SPECC1: variants seen among roughly 807,000 people sequenced by gnomAD.
The protein encoded by SPECC1 is sperm antigen with calponin homology and coiled-coil domains 1.
SPECC1 carries 62 observed loss-of-function variants against 104.1 expected under a neutral mutation model. That is an observed-to-expected ratio of 0.60 (90% CI 0.49 to 0.74). SPECC1 has a LOEUF of 0.74. Among genes scored for constraint, SPECC1 ranks in the 30% least tolerant of loss-of-function variants. The pLI is 0.00. For synonymous variants in SPECC1, 513 were observed against 501.6 expected (o/e 1.02, Z -0.30); for missense variants, 1,306 against 1,310.5 (o/e 1.00, Z 0.05).
intron 7 of SPECC1, 62 bp from the exon 8 acceptor site, chr17:20,245,864 G>C (rs1410583873): frequency 8.8e-6 from 14 of 1,584,690 alleles, no homozygotes; most frequent in Non-Finnish European, 1.2e-5. Flanking sequence ...TTTCCTCTGT[G>C]TCTTTTTCTC....
chr17:20,254,968 C>T (rs1304735224), intron 10 of SPECC1, among the ~76,000 whole-genome samples: 2 of 152,112 alleles, frequency 1.3e-5, no homozygotes, highest in East Asian at 1.9e-4. Context: ...GCCCATTCCT[C>T]GAGTTTTACA....
At chr17:20,155,073 A>ACC (rs2032343406) in intron 3 of SPECC1, among the ~76,000 whole-genome samples, 2 of 152,138 alleles carry the variant, frequency 1.3e-5, no homozygotes, top group African/African-American at 4.8e-5. Flanking sequence ...TGGTATTTGA[A>ACC]AGCCACAAGT....
chr17:20,216,076 T>G (rs2037471115), intron 4 of SPECC1, among the ~76,000 whole-genome samples: 1 of 152,160 alleles, frequency 6.6e-6, no homozygotes, highest in Admixed American at 6.5e-5. Flanking sequence ...GATTAACATA[T>G]GAAGAGAGGG....
intron 3 of SPECC1, among the ~76,000 whole-genome samples, chr17:20,176,738 T>C (rs1249327061): frequency 3.3e-5 from 5 of 152,054 alleles, no homozygotes; most frequent in Non-Finnish European, 5.9e-5. Flanking sequence ...TCATCACATC[T>C]CCTTTTTCCG....
At chr17:20,028,749 A>C (rs955731705) in intron 1 of SPECC1, among the ~76,000 whole-genome samples, 1 of 149,946 alleles carries the variant, frequency 6.7e-6, no homozygotes, top group Non-Finnish European at 1.5e-5. Context: ...TCAACAGTGA[A>C]GTCATCTGGG....
rs534460908 is a variant in SPECC1, at chr17:20,119,872, A to G, written c.283+9310A>G. Among the ~76,000 whole-genome samples, 85 of 152,376 alleles carry G rather than the reference A, an allele frequency of 5.6e-4. 1 individual carries two copies. The highest frequency in any genetic ancestry group is 8.8e-5 in the Non-Finnish European group (6 of 68,040). On this transcript the variant is annotated intron_variant, in intron 3 of 14. Coordinates refer to ENST00000395527, the MANE Select transcript of SPECC1 (RefSeq NM_001243439.2). ...AACATCCCAAATCCAAAAATTCAAA[A>G]TCCCAAATGCTTCAAAATCTGAAAT... is the stretch of plus-strand genomic sequence containing the variant.
intron 3 of SPECC1, among the ~76,000 whole-genome samples, chr17:20,193,280 C>T (rs1015381633): frequency 1.3e-5 from 2 of 152,044 alleles, no homozygotes; most frequent in South Asian, 4.1e-4. Flanking sequence ...TCTTTATGAC[C>T]TGTATCTTGT....
chr17:20,265,674 A>G (rs1347346639), intron 12 of SPECC1, among the ~76,000 whole-genome samples: 2 of 152,218 alleles, frequency 1.3e-5, no homozygotes, highest in Admixed American at 6.5e-5. Flanking sequence ...GCTAAGGCCA[A>G]TGTTGAAAAA....
intron 3 of SPECC1, among the ~76,000 whole-genome samples, chr17:20,201,039 T>G (rs1055062232): frequency 6.6e-6 from 1 of 152,110 alleles, no homozygotes; most frequent in African/African-American, 2.4e-5. Context: ...GTAACACTTA[T>G]GGGGAGAACA....
intron 3 of SPECC1, among the ~76,000 whole-genome samples, chr17:20,176,101 T>C (rs907614422): frequency 1.3e-5 from 2 of 152,256 alleles, no homozygotes; most frequent in African/African-American, 4.8e-5. Flanking sequence ...TGGCTTCCTT[T>C]ATTTACTAGC....
chr17:20,035,673 A>C (rs769668177), intron 1 of SPECC1, among the ~76,000 whole-genome samples: 2 of 151,964 alleles, frequency 1.3e-5, no homozygotes, highest in African/African-American at 4.8e-5. Context: ...CACAGCAGCT[A>C]TTCACAGGCA....
At chr17:20,014,764 A>AT (rs1368738830) in intron 1 of SPECC1, among the ~76,000 whole-genome samples, 333 of 148,950 alleles carry the variant, frequency 2.2e-3, no homozygotes, top group African/African-American at 7.6e-3. Context: ...CTAGGAGTGG[A>AT]TTTTTTTTTT....
chr17:20,149,518 G>A (rs547890743), intron 3 of SPECC1, among the ~76,000 whole-genome samples: 2 of 152,334 alleles, frequency 1.3e-5, no homozygotes, highest in South Asian at 2.1e-4. Context: ...CATTTCACAC[G>A]TGTTGTCACA....
chr17:20,132,822 C>T (rs962820329), intron 3 of SPECC1, among the ~76,000 whole-genome samples: 8 of 152,042 alleles, frequency 5.3e-5, no homozygotes, highest in African/African-American at 1.9e-4. Context: ...TCACTGCAAG[C>T]TCCACCTCCT....
In SPECC1 at chr17:20,070,612, T is replaced by C. The variant is rs142619233; in HGVS notation, c.-21-26019T>C. Among the ~76,000 whole-genome samples, 67 of 152,330 alleles carry C rather than the reference T, an allele frequency of 4.4e-4. 1 individual carries two copies. The highest frequency in any genetic ancestry group is 1.6e-3 in the African/African-American group (67 of 41,580). ...AAGGCTTAATTATGTGGATATACCA[T>C]AATCTAACCAATTAGACTTTAAATT... On this transcript the variant is annotated intron_variant, in intron 1 of 14. Transcript: ENST00000395527.
chr17:20,309,948 G>A (rs2142206712), intron 14 of SPECC1, among the ~76,000 whole-genome samples: 1 of 151,576 alleles, frequency 6.6e-6, no homozygotes, highest in Middle Eastern at 3.4e-3. Flanking sequence ...CTCCTGAGTA[G>A]CTGGGATTAT....
chr17:20,087,009 AAGTT>A (rs1400382168), intron 1 of SPECC1: 9 of 152,226 alleles, frequency 5.9e-5, no homozygotes, highest in Admixed American at 2.6e-4. Flanking sequence ...AGGGGCCCCT[AAGTT>A]AGGAACAAAG....
intron 3 of SPECC1, among the ~76,000 whole-genome samples, chr17:20,195,426 A>G (rs1007737125): frequency 1.3e-5 from 2 of 152,234 alleles, no homozygotes; most frequent in African/African-American, 4.8e-5. Flanking sequence ...GAATATACCA[A>G]TAACACATTT....
intron 2 of SPECC1, among the ~76,000 whole-genome samples, chr17:20,104,740 CAAAAAAA>C (rs745893309): frequency 0.22 from 12,649 of 56,638 alleles, 546 homozygotes; most frequent in Non-Finnish European, 0.26. Flanking sequence ...GAGACTGTCT[CAAAAAAA>C]AAAAAAAAAA....
Sources: allele counts gnomAD v4.1 joint callset (sites outside exome capture counted in the v4.1 genomes callset), GRCh38; gene constraint gnomAD v4.1.1; transcripts MANE v1.5; gene names NCBI Gene and HGNC (gene_info 2026-07-23, HGNC 2026-07-21).